CALN1: variants seen among roughly 807,000 people sequenced by gnomAD.
The protein encoded by CALN1 is calneuron 1.
CALN1 carries 17 observed loss-of-function variants against 30.6 expected under a neutral mutation model. The observed-to-expected ratio is 0.56, with a 90% CI of 0.38 to 0.83. The LOEUF (loss-of-function observed/expected upper bound fraction) is 0.83. CALN1 is among the 40% of genes least tolerant of loss of function. The pLI is 0.00. For synonymous variants in CALN1, 156 were observed against 131.4 expected (o/e 1.19, Z -1.28); for missense variants, 291 against 354.9 (o/e 0.82, Z 1.45).
At chr7:71,846,535 C>T (rs1043826501) in intron 5 of CALN1, among the ~76,000 whole-genome samples, 9 of 151,790 alleles carry the variant, frequency 5.9e-5, no homozygotes, top group Middle Eastern at 6.8e-3. Flanking sequence ...TGTGCGCGTG[C>T]GTGTGTGTGT....
chr7:72,487,022 A>G, the CALN1 span, among the ~76,000 whole-genome samples: 1 of 152,132 alleles, frequency 6.6e-6, no homozygotes, highest in South Asian at 2.1e-4. Context: ...ATGCTTTATA[A>G]TCATCGTCGA....
chr7:72,127,724 G>A (rs1238230468), intron 3 of CALN1, among the ~76,000 whole-genome samples: 1 of 152,178 alleles, frequency 6.6e-6, no homozygotes, highest in Non-Finnish European at 1.5e-5. Context: ...TGCCTGGTAT[G>A]GTGTAGGGTG....
intron 4 of CALN1, among the ~76,000 whole-genome samples, chr7:72,053,277 G>A (rs1050128767): frequency 6.6e-6 from 1 of 152,176 alleles, no homozygotes; most frequent in Non-Finnish European, 1.5e-5. Context: ...AGTGGAATCA[G>A]AGTACACCAA....
rs545812827 is a variant in CALN1, at chr7:72,143,183, A to C, written c.245-36889T>G. On this transcript the variant is annotated intron_variant, in intron 3 of 6. Coordinates refer to ENST00000395275, the MANE Select transcript of CALN1 (RefSeq NM_031468.4). ...CAGACGATCAAACTTCTCCGAGCTA[A>C]AGGAGGAAGTTTGAACCCAACGCAA... Among the ~76,000 whole-genome samples the C allele has an allele frequency of 5.0e-3, 761 of 152,320 alleles. 6 individuals carry two copies. Among genetic ancestry groups the C allele is most frequent in the Middle Eastern group, 0.01 (3 of 294 alleles).
intron 3 of CALN1, among the ~76,000 whole-genome samples, chr7:72,265,907 G>A (rs563055385): frequency 6.6e-6 from 1 of 152,182 alleles, no homozygotes; most frequent in Non-Finnish European, 1.5e-5. Flanking sequence ...GCCAAGGAGG[G>A]AGGATCATTT....
At chr7:71,971,309 G>C (rs933664814) in intron 5 of CALN1, among the ~76,000 whole-genome samples, 14 of 151,968 alleles carry the variant, frequency 9.2e-5, no homozygotes, top group Admixed American at 5.2e-4. Flanking sequence ...AATTAGCTGG[G>C]CATGGTGGCA....
rs552728956 is a variant in CALN1, at chr7:71,919,957, T to A, written c.501+103700A>T. On this transcript the variant is annotated intron_variant, in intron 5 of 6. Coordinates refer to ENST00000395275, the MANE Select transcript of CALN1 (RefSeq NM_031468.4). The stretch of plus-strand genomic sequence containing the variant: ...GAGAGGCACAGTAAGTAGCTCACCA[T>A]GACGGAAAGAAAAAAATATCATTCT... Among the ~76,000 whole-genome samples the A allele has an allele frequency of 4.6e-5, 7 of 152,324 alleles. No homozygotes were observed. In the East Asian group the frequency reaches 1.4e-3, roughly 29 times the overall value.
chr7:72,297,390 A>G (rs1285323274), intron 2 of CALN1, among the ~76,000 whole-genome samples: 1 of 152,200 alleles, frequency 6.6e-6, no homozygotes, highest in African/African-American at 2.4e-5. Context: ...CAAAACCAAT[A>G]AACAACAAAT....
chr7:71,798,544 G>T (rs1307405585), intron 6 of CALN1, among the ~76,000 whole-genome samples: 2 of 150,914 alleles, frequency 1.3e-5, no homozygotes, highest in African/African-American at 4.9e-5. Context: ...GGGCTCAAGT[G>T]ATCCTCCCAC....
At chr7:71,859,206 G>A (rs1247799913) in intron 5 of CALN1, among the ~76,000 whole-genome samples, 2 of 151,966 alleles carry the variant, frequency 1.3e-5, no homozygotes, top group East Asian at 3.9e-4. Flanking sequence ...GGGATTACAG[G>A]CATGTACCAC....
At chr7:71,906,443 C>T (rs1159152413) in intron 5 of CALN1, among the ~76,000 whole-genome samples, 2 of 152,130 alleles carry the variant, frequency 1.3e-5, no homozygotes, top group Non-Finnish European at 2.9e-5. Flanking sequence ...ATAGTAGTCA[C>T]TAGAGTTGCA....
intron 5 of CALN1, among the ~76,000 whole-genome samples, chr7:71,879,716 G>T (rs1163447687): frequency 6.6e-6 from 1 of 152,184 alleles, no homozygotes; most frequent in Non-Finnish European, 1.5e-5. Context: ...AAGGGCAAGA[G>T]GGTAACCATG....
At chr7:72,308,221 A>G (rs1799782905) in intron 2 of CALN1, among the ~76,000 whole-genome samples, 1 of 152,116 alleles carries the variant, frequency 6.6e-6, no homozygotes, top group South Asian at 2.1e-4. Context: ...AAAATTAGCC[A>G]GGCATGGTGG....
intron 5 of CALN1, among the ~76,000 whole-genome samples, chr7:71,973,185 CTTTTT>C (rs1261025345): frequency 6.6e-6 from 1 of 151,548 alleles, no homozygotes; most frequent in Non-Finnish European, 1.5e-5. Flanking sequence ...TTTTTTTTCC[CTTTTT>C]TTAAGACACA....
chr7:72,391,201 G>A (rs1562941766), intron 2 of CALN1, among the ~76,000 whole-genome samples: 1 of 152,188 alleles, frequency 6.6e-6, no homozygotes, highest in East Asian at 1.9e-4. Flanking sequence ...CATATTGAAA[G>A]AAGATGGTAG....
chr7:72,116,168 C>T (rs1807971938), intron 3 of CALN1, among the ~76,000 whole-genome samples: 1 of 152,150 alleles, frequency 6.6e-6, no homozygotes, highest in Admixed American at 6.5e-5. Flanking sequence ...TGCCTCTACT[C>T]CAGGCTCAGA....
intron 2 of CALN1, among the ~76,000 whole-genome samples, chr7:72,377,009 G>C (rs1055891699): frequency 6.6e-6 from 1 of 152,084 alleles, no homozygotes; most frequent in Non-Finnish European, 1.5e-5. Flanking sequence ...ATGTATATAG[G>C]TTTTCTTTTT....
At chr7:71,800,644 T>A (rs970195518) in intron 6 of CALN1, among the ~76,000 whole-genome samples, 1 of 152,070 alleles carries the variant, frequency 6.6e-6, no homozygotes, top group Non-Finnish European at 1.5e-5. Flanking sequence ...TCGTCGGCAA[T>A]GAAATGGAAA....
chr7:72,468,800 T>C, the CALN1 span, among the ~76,000 whole-genome samples: 1 of 152,224 alleles, frequency 6.6e-6, no homozygotes, highest in Admixed American at 6.5e-5. Flanking sequence ...TGCATTTCTT[T>C]AGTGACTAAT....
Sources: gnomAD v4.1 joint callset for allele counts (sites outside exome capture counted in the v4.1 genomes callset) on GRCh38, gnomAD v4.1.1 for gene constraint, MANE v1.5 for transcripts, NCBI Gene and HGNC (gene_info 2026-07-23, HGNC 2026-07-21) for gene names.